Variants in ASXL1 observed in about 807,000 individuals in gnomAD.
ASXL1 encodes ASXL transcriptional regulator 1.
In ASXL1, 65 loss-of-function variants were observed where a neutral mutation model predicts 89.1. The observed-to-expected ratio is 0.73, with a 90% confidence interval of 0.60 to 0.90. ASXL1 has a LOEUF of 0.90. Ranked by LOEUF, ASXL1 falls within the 40% of genes least tolerant of loss-of-function variation. The pLI is 0.00. For synonymous variants in ASXL1, 739 were observed against 746.9 expected, an observed-to-expected ratio of 0.99 and a Z score of 0.17; for missense variants, 1,786 against 1,942.9, an observed-to-expected ratio of 0.92 and a Z score of 1.52.
At chr20:32,384,597 G>T (rs2048546743) in intron 4 of ASXL1, among the ~76,000 whole-genome samples, 1 of 152,168 alleles carries the variant, frequency 6.6e-6, no homozygotes, top group Non-Finnish European at 1.5e-5. Context: ...AAAAGAAGGG[G>T]TATTCCGTTG....
chr20:32,428,555 T>A, intron 6 of ASXL1, 133 bp downstream of exon 6: 1 of 876,406 alleles, frequency 1.1e-6, no homozygotes, highest in Non-Finnish European at 1.9e-6. Flanking sequence ...CAGCTGTTAG[T>A]AGCATTTAAC....
At chr20:32,369,935 C>T (rs1052491719) in intron 4 of ASXL1, among the ~76,000 whole-genome samples, 2 of 151,170 alleles carry the variant, frequency 1.3e-5, no homozygotes, top group Non-Finnish European at 3.0e-5. Flanking sequence ...TGGCCAGGCT[C>T]GTCTTGAACT....
chr20:32,429,608 C>A lies in ASXL1; in HGVS notation c.565+177C>A. On this transcript the variant is annotated intron_variant, in intron 7 of 12. Transcript: ENST00000375687. The surrounding 1 kb of genome is among the most constrained non-coding windows in gnomAD (Gnocchi z 4.9). ...TTCTAGTGCTGGGCTCTGCTGTGTG[C>A]CTTCCTCTTTGTCTCCCAGGGCAGT... 1.3e-6 allele frequency: 1 copy of A among 761,914 alleles called. No homozygotes were observed. The highest frequency in any genetic ancestry group is 2.2e-6 in the Non-Finnish European group (1 of 457,804). 47.2% of individuals were successfully genotyped at this position (761,914 alleles called of 1,614,324 possible).
At chr20:32,363,771 G>A (rs899603773) in intron 1 of ASXL1, among the ~76,000 whole-genome samples, 7 of 152,330 alleles carry the variant, frequency 4.6e-5, no homozygotes, top group African/African-American at 1.7e-4. Flanking sequence ...GCATAAGCAG[G>A]AGCTGGTGAC....
At position 32,434,922 on chromosome 20, in the gene ASXL1, T is replaced by G; in HGVS notation, c.2210T>G (p.Val737Gly). ...AGCTGCCTACTACAGAGGGCTACAG[T>G]TGGACTCACAGATGGGCTAGGAGAT... ...EESCLLQRAT[V>G]GLTDGLGDAS... The change falls in exon 13 of 13, where the codon GTT (valine) becomes GGT (glycine). Residue 737 changes from valine (V) to glycine (G), a missense_variant. Val to Gly is a moderately radical substitution (Grantham distance 109). This residue lies in a region of ASXL1 where 1,418 missense variants were observed against 1,427.8 expected (regional missense o/e 0.99). Coordinates refer to ENST00000375687, the MANE Select transcript of ASXL1 (RefSeq NM_015338.6). The G allele has an allele frequency of 1.2e-6, 2 of 1,614,182 alleles. No individual in the cohort carries two copies. The highest frequency in any genetic ancestry group is 1.6e-4 in the Middle Eastern group (1 of 6,062).
At chr20:32,398,888 C>T (rs1179116341) in intron 4 of ASXL1, among the ~76,000 whole-genome samples, 4 of 150,974 alleles carry the variant, frequency 2.6e-5, no homozygotes, top group African/African-American at 2.4e-5. Context: ...GGATTACAGG[C>T]GTGAGCCACC....
intron 8 of ASXL1, 44 bp downstream of exon 8, chr20:32,430,097 C>T (rs776697085): frequency 1.3e-6 from 2 of 1,590,368 alleles, no homozygotes; most frequent in Non-Finnish European, 1.7e-6. Flanking sequence ...AAGGGGGCCC[C>T]TGCAGGCCTA....
intron 4 of ASXL1, among the ~76,000 whole-genome samples, chr20:32,396,535 C>T (rs1169055195): frequency 1.3e-5 from 2 of 151,980 alleles, no homozygotes; most frequent in African/African-American, 4.8e-5. Context: ...AATCTTTTTC[C>T]TTATATTCGT....
At position 32,435,607 on chromosome 20, in the gene ASXL1, A is replaced by G; in HGVS notation, c.2895A>G (p.Arg965=). The G allele has an allele frequency of 1.2e-6, 2 of 1,613,198 alleles. No homozygotes were observed. The highest frequency in any genetic ancestry group is 1.7e-6 in the Non-Finnish European group (2 of 1,179,282). The change falls in exon 13 of 13, where the codon CGA becomes CGG. Residue 965 remains arginine (R), a synonymous_variant. Coordinates refer to ENST00000375687, the MANE Select transcript of ASXL1 (RefSeq NM_015338.6). ...SLTSLWTVPS[R]GGSDSNGSYC... ...CTTCACTCTGGACTGTGCCATCTCGAGGAGGCAGTGACAGCAATGGCAGTT... is the reference window on the plus strand; with the variant it reads ...CTTCACTCTGGACTGTGCCATCTCGGGGAGGCAGTGACAGCAATGGCAGTT...
chr20:32,396,009 G>C (rs1260534465), intron 4 of ASXL1, among the ~76,000 whole-genome samples: 1 of 152,034 alleles, frequency 6.6e-6, no homozygotes, highest in Non-Finnish European at 1.5e-5. Flanking sequence ...ATGTTTGCCA[G>C]GCTGGTCTCA....
intron 4 of ASXL1, among the ~76,000 whole-genome samples, chr20:32,416,629 C>A (rs923924252): frequency 6.6e-6 from 1 of 152,162 alleles, no homozygotes; most frequent in African/African-American, 2.4e-5. Context: ...TTTCTAATCC[C>A]TGTTATAAAC....
Position 32,372,845 on chromosome 20 carries a change from G to A in ASXL1, c.252+3722G>A, listed in dbSNP as rs1011495532. ...CTTGACCTCGTGATCCGTCTGCCTC[G>A]GCCTCCCAGAGTGCTGGGATTACAG... On this transcript the variant is annotated intron_variant, in intron 4 of 12. Transcript: ENST00000375687. 1.1e-4 allele frequency among the ~76,000 whole-genome samples: 16 copies of A among 150,752 alleles called. No individual in the cohort carries two copies. In the South Asian group the frequency reaches 1.3e-3, roughly 12 times the overall value.
rs2011944866 is a variant in ASXL1, at chr20:32,436,937, C to T, written c.4225C>T (p.Pro1409Ser). ...LEGMPFVMDL[P>S]FWKLPREPGK... ...AGGGATGCCCTTTGTCATGGACTTG[C>T]CCTTCTGGAAATTACCCCGAGAGCC... Residue 1409 changes from proline (P) to serine (S), a missense_variant, in exon 13 of 13, where the codon CCC (proline) becomes TCC (serine). Physicochemically the swap from Pro to Ser is moderately conservative, Grantham distance 74. Transcript: ENST00000375687. 1 of 1,614,180 alleles carries T rather than the reference C, an allele frequency of 6.2e-7. No homozygotes were observed. Among genetic ancestry groups the T allele is most frequent in the South Asian group, 1.1e-5 (1 of 91,086 alleles).
rs369058266 is a variant in ASXL1, at chr20:32,433,387, C to T, written c.1189C>T (p.Arg397Cys). The T allele has an allele frequency of 1.7e-5, 27 of 1,614,184 alleles. No homozygotes were observed. The highest frequency in any genetic ancestry group is 2.2e-5 in the East Asian group (1 of 44,886). ...CVPGESVRIQ[R>C]GPATRQRDGH... ...CCCAGGAGAATCAGTGCGTATACAGCGTGGTCCAGCCACCCGACAGCGAGA... is the reference window on the plus strand; with the variant it reads ...CCCAGGAGAATCAGTGCGTATACAGTGTGGTCCAGCCACCCGACAGCGAGA... The change falls in exon 12 of 13, where the codon CGT becomes TGT. Residue 397 changes from arginine to cysteine, a missense_variant. By Grantham distance (180) the Arg-to-Cys change is radical. Around this residue, in one of 3 missense-constraint regions of ASXL1, gnomAD observed 1,418 missense variants for 1,427.8 expected, o/e 0.99. Coordinates refer to ENST00000375687, the MANE Select transcript of ASXL1 (RefSeq NM_015338.6).
intron 10 of ASXL1, chr20:32,432,300 C>T (rs534066301): frequency 2.9e-5 from 5 of 172,574 alleles, no homozygotes; most frequent in Non-Finnish European, 5.0e-5. Context: ...TTTAATTCCC[C>T]CAGTAACAAG....
chr20:32,391,258 TTCTTCA>T (rs2048666578), intron 4 of ASXL1, among the ~76,000 whole-genome samples: 1 of 152,200 alleles, frequency 6.6e-6, no homozygotes, highest in Admixed American at 6.5e-5. Context: ...TGCGTATTCA[TTCTTCA>T]GTTGATAGAC....
intron 4 of ASXL1, among the ~76,000 whole-genome samples, chr20:32,424,353 G>C (rs2011213512): frequency 6.6e-6 from 1 of 152,132 alleles, no homozygotes; most frequent in Admixed American, 6.6e-5. Flanking sequence ...TGGCCAACAT[G>C]GTGAAACCCC....
At position 32,434,620 on chromosome 20, in the gene ASXL1, G is replaced by T. The variant is rs562455536; in HGVS notation, c.1908G>T (p.Ala636=). 6.2e-7 allele frequency: 1 copy of T among 1,609,800 alleles called. No individual in the cohort carries two copies. Among genetic ancestry groups the T allele is most frequent in the South Asian group, 1.1e-5 (1 of 90,886 alleles). The change falls in exon 13 of 13, where the codon GCG becomes GCT. Residue 636 remains alanine (A), a synonymous_variant. Coordinates refer to ENST00000375687, the MANE Select transcript of ASXL1 (RefSeq NM_015338.6). ...GAGGTCACCACTGCCATAGAGAGGC[G>T]GCCACCACTGCCATCGGAGGGGGGG... ...GARGHHCHRE[A]ATTAIGGGGG...
At position 32,436,893 on chromosome 20, in the gene ASXL1, A is replaced by T. The variant is rs1456392521; in HGVS notation, c.4181A>T (p.Glu1394Val). ...NRKATGHSPLELVGHLEGMPF... is the reference protein window; with the variant it reads ...NRKATGHSPLVLVGHLEGMPF... ...AAAGCTACTGGGCATAGTCCCCTGG[A>T]ACTGGTGGGTCACTTGGAAGGGATG... The change falls in exon 13 of 13, where the codon GAA becomes GTA. Residue 1394 changes from glutamate to valine, a missense_variant. Physicochemically the swap from Glu to Val is moderately radical, Grantham distance 121 (BLOSUM62 -2). Coordinates refer to ENST00000375687, the MANE Select transcript of ASXL1 (RefSeq NM_015338.6). The T allele has an allele frequency of 6.2e-7, 1 of 1,614,198 alleles. No individual in the cohort carries two copies. Among genetic ancestry groups the T allele is most frequent in the Admixed American group, 1.7e-5 (1 of 60,030 alleles).
Sources: allele counts gnomAD v4.1 joint callset (sites outside exome capture counted in the v4.1 genomes callset), GRCh38; gene constraint gnomAD v4.1.1; regional missense constraint gnomAD v4.1.1; non-coding constraint Gnocchi (gnomAD v3.1); transcripts MANE v1.5; gene names NCBI Gene and HGNC (gene_info 2026-07-23, HGNC 2026-07-21).